CCDC7: variants seen among roughly 807,000 people sequenced by gnomAD.
CCDC7 encodes coiled-coil domain containing 7, also known as coiled-coil domain-containing protein 7.
In CCDC7, 183 loss-of-function variants were observed where a neutral mutation model predicts 196.9. The observed-to-expected ratio is 0.93, with a 90% CI of 0.82 to 1.05. CCDC7 has a LOEUF of 1.05. Ranked by LOEUF, CCDC7 falls within the 50% of genes least tolerant of loss-of-function variation. The pLI is 0.00. For missense variants in CCDC7, 1,540 were observed against 1,482.2 expected (o/e 1.04, Z -0.64); for synonymous variants, 525 against 484.6 (o/e 1.08, Z -1.10).
intron 18 of CCDC7, among the ~76,000 whole-genome samples, chr10:32,603,293 A>G (rs905379075): frequency 3.3e-5 from 5 of 151,712 alleles, no homozygotes; most frequent in Admixed American, 3.3e-4. Flanking sequence ...TATTCTTTTT[A>G]TGGCTGAATA....
At chr10:32,488,487 G>T (rs1426288968) in intron 8 of CCDC7, among the ~76,000 whole-genome samples, 1 of 152,168 alleles carries the variant, frequency 6.6e-6, no homozygotes, top group East Asian at 1.9e-4. Context: ...GCTGCACCCA[G>T]TGTCCTGCAC....
Position 32,477,564 on chromosome 10 carries a change from T to C in CCDC7, c.796+3541T>C, listed in dbSNP as rs540066624. ...GTCTAGAGTCATTGTTTTTTTTTTTTTGCATTTGGATGTCCAGTTGTTTCA... is the reference window on the plus strand; with the variant it reads ...GTCTAGAGTCATTGTTTTTTTTTTTCTGCATTTGGATGTCCAGTTGTTTCA... On this transcript the variant is annotated intron_variant, in intron 8 of 41. Coordinates refer to ENST00000639629, the Ensembl canonical transcript of CCDC7. Among the ~76,000 whole-genome samples the C allele has an allele frequency of 2.6e-4, 40 of 152,246 alleles. 1 individual carries two copies. The highest frequency in any genetic ancestry group is 9.4e-4 in the African/African-American group (39 of 41,570).
intron 11 of CCDC7, among the ~76,000 whole-genome samples, chr10:32,529,535 A>AT (rs1385302606): frequency 1.3e-5 from 2 of 152,048 alleles, no homozygotes; most frequent in Non-Finnish European, 2.9e-5. Context: ...GATGTTGAGC[A>AT]TTTTTTTATG....
At chr10:32,833,560 G>A (rs1305451882) in intron 32 of CCDC7, among the ~76,000 whole-genome samples, 3 of 151,960 alleles carry the variant, frequency 2.0e-5, no homozygotes, top group Admixed American at 6.6e-5. Context: ...CTTATCTAAC[G>A]CAAATGAATT....
intron 28 of CCDC7, among the ~76,000 whole-genome samples, chr10:32,733,129 A>G (rs1323294368): frequency 6.6e-6 from 1 of 151,882 alleles, no homozygotes; most frequent in East Asian, 1.9e-4. Context: ...CTTTTTTATT[A>G]CTCATATCTG....
In CCDC7 at chr10:32,821,708, A is replaced by C. The variant is rs2090238107; in HGVS notation, c.3182-2810A>C. ...TCATCATTCTCAGCAAACTATCGCA[A>C]GGCCAAAAAACCAAACACCACATGT... On this transcript the variant is annotated intron_variant, in intron 31 of 41. Coordinates refer to ENST00000639629, the Ensembl canonical transcript of CCDC7. Among the ~76,000 whole-genome samples, 3 of 152,114 alleles carry C rather than the reference A, an allele frequency of 2.0e-5. No homozygotes were observed. The South Asian group carries it at 6.2e-4, about 31-fold the overall frequency.
At chr10:32,808,846 C>A (rs911935314) in intron 30 of CCDC7, among the ~76,000 whole-genome samples, 1 of 151,970 alleles carries the variant, frequency 6.6e-6, no homozygotes, top group Non-Finnish European at 1.5e-5. Context: ...ATACAGAGGC[C>A]GTATACCACT....
chr10:32,447,699 C>T (rs1031317222), upstream of CCDC7, among the ~76,000 whole-genome samples: 1 of 151,946 alleles, frequency 6.6e-6, no homozygotes, highest in Non-Finnish European at 1.5e-5. Context: ...GTCAGAAGTT[C>T]GAGACCAGCT....
chr10:32,807,937 G>C (rs2086197785), intron 30 of CCDC7, among the ~76,000 whole-genome samples: 1 of 152,034 alleles, frequency 6.6e-6, no homozygotes, highest in African/African-American at 2.4e-5. Context: ...TTCCATGTTG[G>C]CCAGGCTGGT....
intron 30 of CCDC7, among the ~76,000 whole-genome samples, chr10:32,811,620 C>G (rs780836321): frequency 6.6e-6 from 1 of 152,042 alleles, no homozygotes; most frequent in East Asian, 1.9e-4. Context: ...ACTAGATGGC[C>G]TCACTGCCAA....
At chr10:32,552,958 G>A (rs1369020586) in intron 13 of CCDC7, among the ~76,000 whole-genome samples, 1 of 152,042 alleles carries the variant, frequency 6.6e-6, no homozygotes, top group Non-Finnish European at 1.5e-5. Flanking sequence ...GTATTTAGAT[G>A]TCTAGATCTT....
intron 28 of CCDC7, among the ~76,000 whole-genome samples, chr10:32,754,912 C>T (rs1266939754): frequency 6.6e-6 from 1 of 151,934 alleles, no homozygotes; most frequent in Non-Finnish European, 1.5e-5. Flanking sequence ...TTGGGACACT[C>T]CCACCCTAAT....
At chr10:32,687,302 G>A (rs2076568909) in intron 22 of CCDC7, among the ~76,000 whole-genome samples, 1 of 152,206 alleles carries the variant, frequency 6.6e-6, no homozygotes, top group Non-Finnish European at 1.5e-5. Context: ...AATTTTTGGA[G>A]ACCAATCTCT....
At chr10:32,812,350 C>T (rs1006587139) in intron 30 of CCDC7, among the ~76,000 whole-genome samples, 4 of 151,566 alleles carry the variant, frequency 2.6e-5, no homozygotes, top group Non-Finnish European at 5.9e-5. Context: ...TCTTTCTTGC[C>T]TCAGCTTTTT....
intron 41 of CCDC7, among the ~76,000 whole-genome samples, chr10:32,868,318 T>G (rs2094285358): frequency 6.6e-6 from 1 of 152,022 alleles, no homozygotes; most frequent in Non-Finnish European, 1.5e-5. Context: ...ATTGTTAATT[T>G]TTTGAGAACT....
intron 30 of CCDC7, among the ~76,000 whole-genome samples, chr10:32,811,901 A>G (rs1488888359): frequency 6.6e-6 from 1 of 152,130 alleles, no homozygotes; most frequent in Non-Finnish European, 1.5e-5. Context: ...CCACGGATGT[A>G]AGGGTGGTTT....
intron 18 of CCDC7, among the ~76,000 whole-genome samples, chr10:32,586,691 GTA>G (rs2059313557): frequency 6.6e-6 from 1 of 152,150 alleles, no homozygotes; most frequent in African/African-American, 2.4e-5. Flanking sequence ...TTGTAGATGT[GTA>G]GTTTTATTTC....
chr10:32,486,670 C>CTA (rs1313580319), intron 8 of CCDC7, among the ~76,000 whole-genome samples: 4 of 80,522 alleles, frequency 5.0e-5, no homozygotes, highest in Non-Finnish European at 7.5e-5. Flanking sequence ...TTCAGGAGCT[C>CTA]TTTTAGGGCA....
chr10:32,744,831 G>C (rs753236737), intron 28 of CCDC7, among the ~76,000 whole-genome samples: 1 of 152,080 alleles, frequency 6.6e-6, no homozygotes, highest in Non-Finnish European at 1.5e-5. Context: ...ATTAAGTCCA[G>C]CTTATCAATT....
Sources: gnomAD v4.1 joint callset for allele counts (sites outside exome capture counted in the v4.1 genomes callset) on GRCh38, gnomAD v4.1.1 for gene constraint, MANE v1.5 for transcripts, NCBI Gene and HGNC (gene_info 2026-07-23, HGNC 2026-07-21) for gene names.